The following DNAI7 variants were observed in gnomAD, a reference collection of about 807,000 sequenced individuals.
The protein encoded by DNAI7 is dynein axonemal intermediate chain 7.
DNAI7 carries 78 observed loss-of-function variants against 86.6 expected under a neutral mutation model. The ratio of observed to expected loss-of-function variants is 0.90; its 90% CI spans 0.75 to 1.09. The LOEUF (loss-of-function observed/expected upper bound fraction) is 1.09, where lower values mean the gene tolerates loss of function less well. DNAI7 is among the 50% of genes least tolerant of loss of function. The pLI is 0.00. For missense variants in DNAI7, 753 were observed against 810.2 expected (o/e 0.93, Z 0.86); for synonymous variants, 274 against 273.0 (o/e 1.00, Z -0.04).
Position 25,149,687 on chromosome 12 carries a change from G to T in DNAI7, c.526C>A (p.Leu176Ile), listed in dbSNP as rs1281412737. The T allele has an allele frequency of 6.3e-7, 1 of 1,599,190 alleles. No homozygotes were observed. Among genetic ancestry groups the T allele is most frequent in the Non-Finnish European group, 8.6e-7 (1 of 1,168,184 alleles). The change falls in exon 7 of 16, where the codon CTA becomes ATA. Residue 176 changes from leucine to isoleucine, a missense_variant. Leu to Ile is a conservative substitution (Grantham distance 5, BLOSUM62 2). Transcript: ENST00000395987. ...AGATGAAGGAGCTCCTGCAGTTGTAGTATTGATTCTTGGTACTGTATTATA... is the reference window on the plus strand; with the variant it reads ...AGATGAAGGAGCTCCTGCAGTTGTATTATTGATTCTTGGTACTGTATTATA... ...KNIIQYQESI[L>I]QLQELLHLKF...
chr12:25,112,045 A>G (rs1804359601), intron 13 of DNAI7, 106 bp from the exon 14 acceptor site: 2 of 615,932 alleles, frequency 3.2e-6, no homozygotes, highest in South Asian at 2.6e-5. Flanking sequence ...AAAGTCATCT[A>G]TCACTCTATA....
chr12:25,151,840 TG>T (rs1473749465), intron 6 of DNAI7, among the ~76,000 whole-genome samples: 2 of 152,224 alleles, frequency 1.3e-5, no homozygotes, highest in African/African-American at 2.4e-5. Flanking sequence ...CTTATAATCT[TG>T]TTGTTTAGAT....
chr12:25,115,417 C>T (rs574839669), intron 12 of DNAI7, among the ~76,000 whole-genome samples: 4 of 152,242 alleles, frequency 2.6e-5, no homozygotes, highest in African/African-American at 9.6e-5. Context: ...ATTCCCATTC[C>T]CACCTCCAGC....
chr12:25,181,451 A>G (rs1949494534), intron 2 of DNAI7, among the ~76,000 whole-genome samples: 1 of 152,048 alleles, frequency 6.6e-6, no homozygotes, highest in African/African-American at 2.4e-5. Context: ...CTAAAAGAAA[A>G]CCAGGAAAAA....
chr12:25,157,203 G>C (rs11047866), intron 4 of DNAI7, among the ~76,000 whole-genome samples: 3 of 150,380 alleles, frequency 2.0e-5, no homozygotes, highest in East Asian at 3.9e-4. Context: ...GCGTGAACCC[G>C]GGAGGCGGAG....
chr12:25,142,086 G>A (rs1026114977), intron 9 of DNAI7, among the ~76,000 whole-genome samples: 2 of 152,146 alleles, frequency 1.3e-5, no homozygotes, highest in Non-Finnish European at 2.9e-5. Context: ...GCAAAAACAT[G>A]GAACCAGCCC....
intron 2 of DNAI7, among the ~76,000 whole-genome samples, chr12:25,173,499 G>A (rs553167126): frequency 6.6e-6 from 1 of 152,046 alleles, no homozygotes; most frequent in Non-Finnish European, 1.5e-5. Context: ...CCAGAAGGCA[G>A]GTGGGAATGC....
At position 25,167,347 on chromosome 12, in the gene DNAI7, C is replaced by T. The variant is rs184092701; in HGVS notation, c.22-6150G>A. On this transcript the variant is annotated intron_variant, in intron 2 of 15. Coordinates refer to ENST00000395987, the MANE Select transcript of DNAI7 (RefSeq NM_018272.5). ...CATCAAGCTCGAGAATTTGCCCCCG[C>T]CCAGGACTGGCAACTCTTAACTCCC... Among the ~76,000 whole-genome samples the T allele has an allele frequency of 2.0e-5, 3 of 152,246 alleles. No individual in the cohort carries two copies. The East Asian group carries it at 5.8e-4, about 29-fold the overall frequency.
At chr12:25,182,703 A>G (rs73286876) in intron 2 of DNAI7, among the ~76,000 whole-genome samples, 1,790 of 151,480 alleles carry the variant, frequency 0.012, 35 homozygotes, top group African/African-American at 0.041. Context: ...TAAGAGGATC[A>G]CCTGAGCCCC....
chr12:25,140,157 C>T (rs1403610080), intron 9 of DNAI7, among the ~76,000 whole-genome samples: 1 of 152,122 alleles, frequency 6.6e-6, no homozygotes. Context: ...CCCCCTTTCA[C>T]AACTTCTATT....
intron 8 of DNAI7, among the ~76,000 whole-genome samples, chr12:25,145,964 T>C (rs895359007): frequency 1.8e-4 from 27 of 152,204 alleles, no homozygotes; most frequent in African/African-American, 6.0e-4. Flanking sequence ...GGCTCACGCC[T>C]GTAATCCCAG....
intron 9 of DNAI7, among the ~76,000 whole-genome samples, chr12:25,143,246 A>ATTT (rs56888487): frequency 3.2e-4 from 41 of 129,868 alleles, no homozygotes; most frequent in South Asian, 1.7e-3. Flanking sequence ...AGTCTTCATA[A>ATTT]TTTTTTTTTT....
In DNAI7 at chr12:25,119,138, G is replaced by A; in HGVS notation, c.1396+7C>T. 1 of 1,587,574 alleles carries A rather than the reference G, an allele frequency of 6.3e-7. No homozygotes were observed. The highest frequency in any genetic ancestry group is 2.2e-5 in the East Asian group (1 of 44,598). ...CTCCTTTTATTACATAATTATAAAA[G>A]CTGTACCTTCAGCATCCCACCTTAC... On this transcript the variant is annotated splice_region_variant and intron_variant, in intron 12 of 15. Coordinates refer to ENST00000395987, the MANE Select transcript of DNAI7 (RefSeq NM_018272.5).
chr12:25,144,341 T>A (rs761455908), intron 9 of DNAI7, 24 bp downstream of exon 9: 3 of 1,568,496 alleles, frequency 1.9e-6, no homozygotes, highest in East Asian at 2.2e-5. Context: ...AATAAAAAAA[T>A]GTGTATATTT....
chr12:25,121,789 T>C lies in DNAI7; in HGVS notation c.1203A>G (p.Pro401=), dbSNP rs1169823560. 1.9e-6 allele frequency: 3 copies of C among 1,608,428 alleles called. No individual in the cohort carries two copies. In the African/African-American group the frequency reaches 4.0e-5, roughly 22 times the overall value. Residue 401 remains proline, a synonymous_variant, in exon 11 of 16, where the codon CCA becomes CCG. Transcript: ENST00000395987. ...VYHLDILELP[P]QCKPVKGWMI... Reference sequence around the variant, plus strand: ...TCCATCCCTTCACTGGTTTACACTGTGGAGGAAGCTCCAAAATATCCAAGT... The same window carrying C: ...TCCATCCCTTCACTGGTTTACACTGCGGAGGAAGCTCCAAAATATCCAAGT...
At chr12:25,120,451 G>A (rs1941093407) in intron 11 of DNAI7, among the ~76,000 whole-genome samples, 1 of 152,106 alleles carries the variant, frequency 6.6e-6, no homozygotes, top group Non-Finnish European at 1.5e-5. Flanking sequence ...GGCCGGGCGC[G>A]GTGGCTCACG....
At chr12:25,121,269 G>A (rs558319408) in intron 11 of DNAI7, among the ~76,000 whole-genome samples, 2 of 152,234 alleles carry the variant, frequency 1.3e-5, no homozygotes, top group East Asian at 1.9e-4. Context: ...CATAAACTAC[G>A]GTCCCTGGGA....
At chr12:25,174,537 TGG>T (rs372495622) in intron 2 of DNAI7, among the ~76,000 whole-genome samples, 1 of 116,400 alleles carries the variant, frequency 8.6e-6, no homozygotes, top group Non-Finnish European at 1.7e-5. Flanking sequence ...ATCATATATA[TGG>T]GATATATATA....
At chr12:25,166,850 ACT>A (rs1947538023) in intron 2 of DNAI7, among the ~76,000 whole-genome samples, 1 of 151,648 alleles carries the variant, frequency 6.6e-6, no homozygotes, top group Non-Finnish European at 1.5e-5. Flanking sequence ...TGCTCAATTC[ACT>A]CTCTACAGTT....
Sources: gnomAD v4.1 joint callset for allele counts (sites outside exome capture counted in the v4.1 genomes callset) on GRCh38, gnomAD v4.1.1 for gene constraint, MANE v1.5 for transcripts, NCBI Gene and HGNC (gene_info 2026-07-23, HGNC 2026-07-21) for gene names.